Variants in IQCM observed in about 807,000 individuals in gnomAD.
IQCM encodes IQ domain-containing protein M.
IQCM carries 45 observed loss-of-function variants against 57.6 expected under a neutral mutation model. That is an observed-to-expected ratio of 0.78 (90% CI 0.62 to 1.00). The LOEUF (loss-of-function observed/expected upper bound fraction) is 1.00. IQCM is among the 50% of genes least tolerant of loss of function. The pLI is 0.00. For missense variants in IQCM, 468 were observed against 511.6 expected, an observed-to-expected ratio of 0.91 and a Z score of 0.82; for synonymous variants, 148 against 158.9, an observed-to-expected ratio of 0.93 and a Z score of 0.51.
intron 12 of IQCM, among the ~76,000 whole-genome samples, chr4:149,445,390 A>G (rs1736399578): frequency 6.6e-6 from 1 of 151,862 alleles, no homozygotes; most frequent in African/African-American, 2.4e-5. Flanking sequence ...GTTATTTCTC[A>G]TCTAAATTAT....
At chr4:149,768,645 A>T (rs1394335226) in intron 2 of IQCM, among the ~76,000 whole-genome samples, 3 of 152,060 alleles carry the variant, frequency 2.0e-5, no homozygotes, top group Non-Finnish European at 1.5e-5. Flanking sequence ...GACATTTTTC[A>T]TGTAATGGGA....
chr4:149,617,849 AT>A (rs1280994905), intron 8 of IQCM, among the ~76,000 whole-genome samples: 1 of 152,204 alleles, frequency 6.6e-6, no homozygotes, highest in Non-Finnish European at 1.5e-5. Context: ...GATGAAAGAA[AT>A]CATAGATGGC....
At chr4:149,543,625 T>A (rs1438036249) in intron 12 of IQCM, among the ~76,000 whole-genome samples, 1 of 151,342 alleles carries the variant, frequency 6.6e-6, no homozygotes, top group Non-Finnish European at 1.5e-5. Context: ...GAGATATACC[T>A]AATGCTAGAT....
chr4:149,558,312 T>G (rs1025541568), intron 10 of IQCM, among the ~76,000 whole-genome samples: 4 of 152,162 alleles, frequency 2.6e-5, no homozygotes, highest in Non-Finnish European at 5.9e-5. Flanking sequence ...GTCAGGGACC[T>G]GCATCAGCAT....
Position 149,733,544 on chromosome 4 carries a change from T to C in IQCM, c.121-36A>G, listed in dbSNP as rs960886767. 6.9e-6 allele frequency: 7 copies of C among 1,015,808 alleles called. No homozygotes were observed. In the African/African-American group the frequency reaches 8.3e-5, roughly 12 times the overall value. 62.9% of individuals were successfully genotyped at this position (1,015,808 alleles called of 1,614,324 possible). On this transcript the variant is annotated intron_variant, in intron 4 of 13. Transcript: ENST00000636793. ...AACAAAAATAGATTTTGGCAAAATT[T>C]AATTTTAGTATGCATTATTTAATAA...
At chr4:149,420,074 G>T (rs185120324) in intron 13 of IQCM, among the ~76,000 whole-genome samples, 1 of 152,194 alleles carries the variant, frequency 6.6e-6, no homozygotes, top group East Asian at 1.9e-4. Context: ...CATTGTGAAA[G>T]ATGGTGTGAC....
chr4:149,383,653 T>C (rs574526456), intron 13 of IQCM, among the ~76,000 whole-genome samples: 1 of 152,202 alleles, frequency 6.6e-6, no homozygotes, highest in South Asian at 2.1e-4. Context: ...ATATTCTCTA[T>C]AGAATATTCG....
At chr4:149,639,524 C>A (rs74952421) in intron 7 of IQCM, among the ~76,000 whole-genome samples, 2,137 of 151,946 alleles carry the variant, frequency 0.014, 42 homozygotes, top group Non-Finnish European at 0.017. Flanking sequence ...TCCACATAAG[C>A]AATTTATATT....
chr4:149,711,954 G>A (rs563774023), intron 5 of IQCM, among the ~76,000 whole-genome samples: 1 of 152,106 alleles, frequency 6.6e-6, no homozygotes, highest in South Asian at 2.1e-4. Flanking sequence ...TACTCACTGG[G>A]CTTCTGGAAT....
intron 13 of IQCM, among the ~76,000 whole-genome samples, chr4:149,403,712 A>G (rs932731431): frequency 9.2e-5 from 14 of 151,988 alleles, no homozygotes; most frequent in African/African-American, 3.4e-4. Context: ...CAGATGGAGG[A>G]AAAAGGAACA....
At chr4:149,473,015 A>G (rs1300621786) in intron 12 of IQCM, among the ~76,000 whole-genome samples, 1 of 152,234 alleles carries the variant, frequency 6.6e-6, no homozygotes, top group African/African-American at 2.4e-5. Context: ...AAAACCATAA[A>G]AACACTAGAA....
chr4:149,616,849 C>T (rs1352016432), intron 8 of IQCM, among the ~76,000 whole-genome samples: 4 of 152,002 alleles, frequency 2.6e-5, no homozygotes, highest in Non-Finnish European at 5.9e-5. Flanking sequence ...ATACATATAC[C>T]TATGTAACAA....
At chr4:149,561,484 A>G (rs1750117332) in intron 10 of IQCM, among the ~76,000 whole-genome samples, 1 of 152,188 alleles carries the variant, frequency 6.6e-6, no homozygotes, top group South Asian at 2.1e-4. Context: ...CTCAATAGGT[A>G]TTTGTGGAGT....
intron 2 of IQCM, chr4:149,790,033 T>C (rs372688388): frequency 2.3e-6 from 1 of 433,716 alleles, no homozygotes; most frequent in East Asian, 3.9e-5. Context: ...GTACTTCTGA[T>C]GCACATGCAT....
intron 13 of IQCM, among the ~76,000 whole-genome samples, chr4:149,376,986 C>T (rs1474733970): frequency 6.6e-6 from 1 of 152,000 alleles, no homozygotes; most frequent in Non-Finnish European, 1.5e-5. Flanking sequence ...TTATGTCAAT[C>T]TCTGGTTGTT....
At chr4:149,707,994 T>C (rs183404662) in intron 5 of IQCM, among the ~76,000 whole-genome samples, 30 of 152,162 alleles carry the variant, frequency 2.0e-4, no homozygotes, top group Middle Eastern at 3.4e-3. Flanking sequence ...ATCTTCCTTC[T>C]TCCAGTCCTC....
chr4:149,719,010 T>C lies in IQCM; in HGVS notation c.385+14234A>G, dbSNP rs9307859. Among the ~76,000 whole-genome samples, 1,167 of 152,316 alleles carry C rather than the reference T, an allele frequency of 7.7e-3. 16 individuals carry two copies. Among genetic ancestry groups the C allele is most frequent in the African/African-American group, 0.023 (939 of 41,572 alleles). ...GGTGGCCATTATTCAGCCTACTATT[T>C]ACACCTGAAGTGAAATTTTTCCAAG... On this transcript the variant is annotated intron_variant, in intron 5 of 13. Coordinates refer to ENST00000636793, the MANE Select transcript of IQCM (RefSeq NM_001363507.2).
rs548537057 is a variant in IQCM at position 149,575,177 on chromosome 4, T to C, written c.750-11287A>G. Among the ~76,000 whole-genome samples, 3 of 152,070 alleles carry C rather than the reference T, an allele frequency of 2.0e-5. No individual in the cohort carries two copies. The South Asian group carries it at 6.2e-4, about 31-fold the overall frequency. ...ATGTGATACTCTTGTGCTTTGAATG[T>C]GGTATTTGAAAGTAACTTGGGTAAT... On this transcript the variant is annotated intron_variant, in intron 9 of 13. Transcript: ENST00000636793.
intron 12 of IQCM, among the ~76,000 whole-genome samples, chr4:149,465,329 C>T (rs576838548): frequency 6.6e-6 from 1 of 152,254 alleles, no homozygotes; most frequent in South Asian, 2.1e-4. Flanking sequence ...TCAAGCTACA[C>T]ATAGGCCCTT....
Sources: allele counts gnomAD v4.1 joint callset (sites outside exome capture counted in the v4.1 genomes callset), GRCh38; gene constraint gnomAD v4.1.1; transcripts MANE v1.5; gene names NCBI Gene and HGNC (gene_info 2026-07-23, HGNC 2026-07-21).